ADAMTSL1: variants seen among roughly 807,000 people sequenced by gnomAD.
The protein encoded by ADAMTSL1 is ADAMTS-like protein 1.
ADAMTSL1 carries 126 observed loss-of-function variants against 201.8 expected under a neutral mutation model. The ratio of observed to expected loss-of-function variants is 0.62; its 90% CI spans 0.54 to 0.72. The LOEUF is 0.72. ADAMTSL1 is among the 30% of genes least tolerant of loss of function. ADAMTSL1 has a pLI of 0.00. For synonymous variants in ADAMTSL1, 1,121 were observed against 903.4 expected, an observed-to-expected ratio of 1.24 and a Z score of -4.32; for missense variants, 2,679 against 2,277.8, an observed-to-expected ratio of 1.18 and a Z score of -3.59.
intron 9 of ADAMTSL1, among the ~76,000 whole-genome samples, chr9:18,672,005 C>G (rs1264504536): frequency 6.6e-6 from 1 of 152,014 alleles, no homozygotes; most frequent in Non-Finnish European, 1.5e-5. Context: ...CCTCTGCACT[C>G]CAACCTGGGC....
intron 2 of ADAMTSL1, among the ~76,000 whole-genome samples, chr9:18,287,394 T>G (rs568614500): frequency 3.9e-5 from 6 of 152,028 alleles, no homozygotes; most frequent in African/African-American, 1.2e-4. Flanking sequence ...TGTGTGTATA[T>G]ATGCACATAC....
chr9:17,958,212 C>G (rs1206745527), intron 1 of ADAMTSL1, among the ~76,000 whole-genome samples: 2 of 152,124 alleles, frequency 1.3e-5, no homozygotes, highest in African/African-American at 2.4e-5. Context: ...ATGCAAGCCA[C>G]CCTTTCACAT....
intron 1 of ADAMTSL1, among the ~76,000 whole-genome samples, chr9:18,162,164 T>C (rs1827418595): frequency 6.6e-6 from 1 of 152,040 alleles, no homozygotes; most frequent in Non-Finnish European, 1.5e-5. Context: ...ACTGGGGTCC[T>C]CTTTCAAGCT....
At chr9:18,089,512 G>A (rs756362481) in intron 1 of ADAMTSL1, among the ~76,000 whole-genome samples, 6 of 152,128 alleles carry the variant, frequency 3.9e-5, no homozygotes, top group African/African-American at 7.2e-5. Flanking sequence ...AATACCTAAC[G>A]TAGATGACGG....
rs113010318 is a variant in ADAMTSL1 at position 18,442,351 on chromosome 9, A to G, written c.208-62478A>G. On this transcript the variant is annotated intron_variant, in intron 2 of 29. Coordinates refer to the ADAMTSL1 transcript ENST00000680146. ...AGAGAAAGAGAGAAAAAAGAAAACA[A>G]CTTTCATTCTCTAACATTTTGCCAG... Among the ~76,000 whole-genome samples, 148 of 152,312 alleles carry G rather than the reference A, an allele frequency of 9.7e-4. 1 individual carries two copies. The highest frequency in any genetic ancestry group is 3.4e-3 in the African/African-American group (142 of 41,574).
At chr9:18,832,596 G>T (rs1825060008) in intron 23 of ADAMTSL1, among the ~76,000 whole-genome samples, 1 of 152,182 alleles carries the variant, frequency 6.6e-6, no homozygotes, top group Non-Finnish European at 1.5e-5. Context: ...CTAGACCAAG[G>T]TGGAAATACA....
intron 2 of ADAMTSL1, among the ~76,000 whole-genome samples, chr9:18,350,137 C>T (rs1835902848): frequency 6.6e-6 from 1 of 151,972 alleles, no homozygotes; most frequent in Non-Finnish European, 1.5e-5. Context: ...GCACACACTC[C>T]TCTCTCCTGG....
chr9:18,166,452 C>T lies in ADAMTSL1; in HGVS notation c.207+2471C>T, dbSNP rs578194207. Among the ~76,000 whole-genome samples, 128 of 152,028 alleles carry T rather than the reference C, an allele frequency of 8.4e-4. 3 individuals are homozygous for T. Among genetic ancestry groups the T allele is most frequent in the Admixed American group, 8.4e-3 (128 of 15,224 alleles). On this transcript the variant is annotated intron_variant, in intron 2 of 29. Coordinates refer to the ADAMTSL1 transcript ENST00000680146. ...ATCCTTCTAAATGCAAAGCATTCTT[C>T]TTAAAATGATATGAATGACTTCAGT...
At chr9:18,577,755 C>A (rs554456721) in intron 4 of ADAMTSL1, among the ~76,000 whole-genome samples, 1 of 151,972 alleles carries the variant, frequency 6.6e-6, no homozygotes, top group Non-Finnish European at 1.5e-5. Flanking sequence ...ATAACTGTAA[C>A]GTTTCAAAAA....
At chr9:18,252,688 G>T (rs1261668584) in intron 2 of ADAMTSL1, among the ~76,000 whole-genome samples, 1 of 151,918 alleles carries the variant, frequency 6.6e-6, no homozygotes, top group African/African-American at 2.4e-5. Context: ...CTGATAAGGG[G>T]GTGCTGACTG....
At chr9:18,614,619 G>T (rs1434138634) in intron 4 of ADAMTSL1, among the ~76,000 whole-genome samples, 1 of 151,990 alleles carries the variant, frequency 6.6e-6, no homozygotes, top group Admixed American at 6.6e-5. Flanking sequence ...TTGACCTTTA[G>T]TTATACTGAT....
At chr9:18,226,703 T>C (rs1042773578) in intron 2 of ADAMTSL1, among the ~76,000 whole-genome samples, 2 of 152,134 alleles carry the variant, frequency 1.3e-5, no homozygotes, top group Non-Finnish European at 2.9e-5. Context: ...ATTTGTTCCC[T>C]CCTATTCCAT....
At chr9:18,267,733 C>T (rs114994084) in intron 2 of ADAMTSL1, among the ~76,000 whole-genome samples, 2,243 of 139,888 alleles carry the variant, frequency 0.016, 64 homozygotes, top group African/African-American at 0.056. Flanking sequence ...GTAAACCTTT[C>T]TATATTTCTC....
At chr9:18,117,741 C>A (rs1212087743) in intron 1 of ADAMTSL1, among the ~76,000 whole-genome samples, 1 of 152,012 alleles carries the variant, frequency 6.6e-6, no homozygotes, top group African/African-American at 2.4e-5. Context: ...AATGAAACAT[C>A]CTAAGAAACT....
intron 2 of ADAMTSL1, among the ~76,000 whole-genome samples, chr9:18,186,933 C>G (rs945643966): frequency 6.6e-6 from 1 of 152,110 alleles, no homozygotes; most frequent in East Asian, 1.9e-4. Context: ...TACCCCATAA[C>G]TGGTAAATGG....
chr9:18,224,724 T>C (rs1030050111), intron 2 of ADAMTSL1, among the ~76,000 whole-genome samples: 9 of 152,114 alleles, frequency 5.9e-5, no homozygotes, highest in African/African-American at 2.2e-4. Flanking sequence ...CCAGCGGCTT[T>C]TCTCATTATA....
At chr9:18,161,350 C>T (rs145216207) in intron 1 of ADAMTSL1, among the ~76,000 whole-genome samples, 3 of 152,114 alleles carry the variant, frequency 2.0e-5, no homozygotes, top group African/African-American at 7.2e-5. Flanking sequence ...AAAGAAAATG[C>T]AACTAAGTTC....
At chr9:18,054,002 T>TC (rs1454658932) in intron 1 of ADAMTSL1, among the ~76,000 whole-genome samples, 1 of 152,236 alleles carries the variant, frequency 6.6e-6, no homozygotes, top group Non-Finnish European at 1.5e-5. Flanking sequence ...CTTTTTTTTT[T>TC]CAGAATATTT....
chr9:18,884,292 A>G (rs2131523260), intron 23 of ADAMTSL1, among the ~76,000 whole-genome samples: 1 of 152,284 alleles, frequency 6.6e-6, no homozygotes, highest in South Asian at 2.1e-4. Context: ...TCAAATTTTA[A>G]GAGTTCTTTT....
Sources: allele counts gnomAD v4.1 joint callset (sites outside exome capture counted in the v4.1 genomes callset), GRCh38; gene constraint gnomAD v4.1.1; transcripts MANE v1.5; gene names NCBI Gene and HGNC (gene_info 2026-07-23, HGNC 2026-07-21).